LAMB3: variants seen among roughly 807,000 people sequenced by gnomAD.
The protein encoded by LAMB3 is laminin subunit beta 3.
A neutral mutation model predicts 140.3 loss-of-function variants in LAMB3; 104 were observed. That is an observed-to-expected ratio of 0.74 (90% CI 0.63 to 0.87). The LOEUF (loss-of-function observed/expected upper bound fraction) is 0.87, where lower values mean the gene tolerates loss of function less well. LAMB3 is among the 40% of genes least tolerant of loss of function. The pLI is 0.00. For synonymous variants in LAMB3, 592 were observed against 602.9 expected (o/e 0.98, Z 0.26); for missense variants, 1,531 against 1,575.2 (o/e 0.97, Z 0.47).
At position 209,623,487 on chromosome 1, in the gene LAMB3, C is replaced by T; in HGVS notation, c.2358+18G>A. 1.2e-6 allele frequency: 2 copies of T among 1,611,296 alleles called. No individual in the cohort carries two copies. Among genetic ancestry groups the T allele is most frequent in the Admixed American group, 1.7e-5 (1 of 60,026 alleles). On this transcript the variant is annotated intron_variant, in intron 16 of 22. Transcript: ENST00000356082. The surrounding 1 kb of genome is among the most constrained non-coding windows in gnomAD (Gnocchi z 4.2). ...GGGGTGTGGGCTCCAGGAAGTGGGACTCCATGCCCCAAGTCACCTTGTTGA... is the reference window on the plus strand; with the variant it reads ...GGGGTGTGGGCTCCAGGAAGTGGGATTCCATGCCCCAAGTCACCTTGTTGA...
At chr1:209,638,054 T>A (rs908326406) in intron 4 of LAMB3, 73 bp from the exon 5 acceptor site, 2 of 1,252,988 alleles carry the variant, frequency 1.6e-6, no homozygotes, top group African/African-American at 1.5e-5. Flanking sequence ...AGCCCTGGAT[T>A]AGACTAGCTC....
At chr1:209,627,657 G>A in intron 11 of LAMB3, 78 bp from the exon 12 acceptor site, 1 of 1,353,036 alleles carries the variant, frequency 7.4e-7, no homozygotes, top group South Asian at 1.2e-5. Flanking sequence ...TCCAGGGAGG[G>A]GCGCTGCCTG....
At chr1:209,651,311 G>T in intron 1 of LAMB3, 1 of 319,990 alleles carries the variant, frequency 3.1e-6, no homozygotes, top group Non-Finnish European at 6.1e-6. Context: ...GCAGGAAAAG[G>T]CTGGACCCTT....
At chr1:209,637,862 G>A in intron 5 of LAMB3, 46 bp downstream of exon 5, 5 of 1,494,906 alleles carry the variant, frequency 3.3e-6, no homozygotes, top group Non-Finnish European at 4.6e-6. Context: ...CGCCCACATG[G>A]CCCAGGAGCC....
intron 1 of LAMB3, 86 bp from the exon 2 acceptor site, chr1:209,651,067 G>A: frequency 1.1e-6 from 1 of 902,584 alleles, no homozygotes. Flanking sequence ...CTAGACTCAA[G>A]TATTTTTCAG....
At chr1:209,638,083 C>T in intron 4 of LAMB3, 102 bp from the exon 5 acceptor site, 1 of 961,074 alleles carries the variant, frequency 1.0e-6, no homozygotes, top group Non-Finnish European at 1.6e-6. Context: ...CAGAAACTCT[C>T]TAACCTTGAT....
At chr1:209,644,120 C>T (rs954072600) in intron 3 of LAMB3, among the ~76,000 whole-genome samples, 8 of 152,188 alleles carry the variant, frequency 5.3e-5, no homozygotes, top group Admixed American at 3.3e-4. Flanking sequence ...TAGAACCCAC[C>T]GCAGTTCAAA....
chr1:209,617,716 C>T (rs192791112), intron 20 of LAMB3, 130 bp from the exon 21 acceptor site: 329 of 1,246,464 alleles, frequency 2.6e-4, no homozygotes, highest in Admixed American at 1.1e-3. Flanking sequence ...TTGCCCACCT[C>T]TCACCCCTCC....
In LAMB3 at chr1:209,625,855, G is replaced by T; in HGVS notation, c.1769C>A (p.Ala590Glu). The T allele has an allele frequency of 6.2e-7, 1 of 1,614,042 alleles. No individual in the cohort carries two copies. The highest frequency in any genetic ancestry group is 8.5e-7 in the Non-Finnish European group (1 of 1,179,968). The change falls in exon 14 of 23, where the codon GCG becomes GAG. Residue 590 changes from alanine (A) to glutamate (E), a missense_variant. Physicochemically the swap from Ala to Glu is moderately radical, Grantham distance 107. Transcript: ENST00000356082. ...GCGCAGGGCCTGCTCCCGGAGGTCCGCATCATAGGTCTGGAAGCAAGGGTG... is the reference window on the plus strand; with the variant it reads ...GCGCAGGGCCTGCTCCCGGAGGTCCTCATCATAGGTCTGGAAGCAAGGGTG... ...ACHPCFQTYD[A>E]DLREQALRFG... is the part of the protein sequence containing the mutation.
At chr1:209,618,828 G>A (rs914476445) in intron 18 of LAMB3, 169 bp from the exon 19 acceptor site, 9 of 674,670 alleles carry the variant, frequency 1.3e-5, no homozygotes, top group Non-Finnish European at 2.4e-5. Flanking sequence ...CTGTTCTCCA[G>A]GGATTTCTGG....
chr1:209,640,196 A>C (rs1031237245), intron 3 of LAMB3, among the ~76,000 whole-genome samples: 1 of 152,170 alleles, frequency 6.6e-6, no homozygotes, highest in African/African-American at 2.4e-5. Context: ...GCTTTATTAA[A>C]CATTCATTCT....
rs564975687 is a variant in LAMB3, at chr1:209,630,175, T to C, written c.944-250A>G. Among the ~76,000 whole-genome samples, 7 of 152,306 alleles carry C rather than the reference T, an allele frequency of 4.6e-5. 1 individual carries two copies. Among genetic ancestry groups the C allele is most frequent in the African/African-American group, 1.7e-4 (7 of 41,564 alleles). On this transcript the variant is annotated intron_variant, in intron 9 of 22. Transcript: ENST00000356082. Reference sequence around the variant, plus strand: ...GGAATAAACCCAAGAACAGTGGCCATGTTGGGCCAAAGAAAGAGCCCTTTG... The same window carrying C: ...GGAATAAACCCAAGAACAGTGGCCACGTTGGGCCAAAGAAAGAGCCCTTTG...
Position 209,617,935 on chromosome 1 carries a change from AG to A in LAMB3, c.3022del (p.Leu1008PhefsTer22), listed in dbSNP as rs748776162. On this transcript the variant is annotated frameshift_variant, in exon 20 of 23. Coordinates refer to ENST00000356082, the MANE Select transcript of LAMB3 (RefSeq NM_000228.3). LOFTEE classifies it high-confidence loss of function. Reference protein sequence around the residue: ...QDTMQGTSRSLRLIQDRVAEV... With the variant: ...QDTMQGTSRSXRLIQDRVAEV... Reference sequence around the variant, plus strand: ...AGCAACCCTGTCCTGGATAAGCCGAAGGGAGCGGCTGGTGCCTTGCATGGTG... The same window carrying A: ...AGCAACCCTGTCCTGGATAAGCCGAAGGAGCGGCTGGTGCCTTGCATGGTG... 1.2e-6 allele frequency: 2 copies of A among 1,614,228 alleles called. No individual in the cohort carries two copies. Among genetic ancestry groups the A allele is most frequent in the Admixed American group, 3.3e-5 (2 of 60,036 alleles).
chr1:209,641,955 G>A (rs1039131507), intron 3 of LAMB3, among the ~76,000 whole-genome samples: 3 of 152,064 alleles, frequency 2.0e-5, no homozygotes, highest in African/African-American at 7.2e-5. Flanking sequence ...GCTGCCTTCC[G>A]GCCGCCTGTC....
At chr1:209,618,109 T>C (rs747418564) in intron 19 of LAMB3, 61 bp from the exon 20 acceptor site, 57 of 1,601,904 alleles carry the variant, frequency 3.6e-5, no homozygotes, top group Non-Finnish European at 4.4e-5. Flanking sequence ...AATCAATGTG[T>C]GGTTCGACTC....
intron 3 of LAMB3, among the ~76,000 whole-genome samples, chr1:209,647,535 A>G (rs1325929587): frequency 6.6e-6 from 1 of 152,178 alleles, no homozygotes; most frequent in Admixed American, 6.5e-5. Flanking sequence ...AGGGCTCGCT[A>G]TGTCATCCCT....
chr1:209,641,101 T>A (rs12750250), intron 3 of LAMB3, among the ~76,000 whole-genome samples: 16,219 of 126,872 alleles, frequency 0.13, 932 homozygotes, highest in African/African-American at 0.17. Context: ...AAAAAAAATT[T>A]AAAAAAAAAA....
intron 5 of LAMB3, among the ~76,000 whole-genome samples, chr1:209,634,917 TTCTCTCTC>T (rs59855467): frequency 0.36 from 49,592 of 136,090 alleles, 9,493 homozygotes; most frequent in Middle Eastern, 0.52. Context: ...CCATTTTTTA[TTCTCTCTC>T]TCTCTCTCTC....
rs189146509 is a variant in LAMB3, at chr1:209,639,019, C to T, written c.184-371G>A. On this transcript the variant is annotated intron_variant, in intron 3 of 22. Coordinates refer to ENST00000356082, the MANE Select transcript of LAMB3 (RefSeq NM_000228.3). ...GGAGAAATTCATATTATTTGAGCAT[C>T]TACGACATACTGGGCACAGGCTGGA... Among the ~76,000 whole-genome samples the T allele has an allele frequency of 5.7e-3, 870 of 151,360 alleles. 46 individuals carry two copies. Among genetic ancestry groups the T allele is most frequent in the Admixed American group, 0.05 (764 of 15,214 alleles).
Sources: allele counts gnomAD v4.1 joint callset (sites outside exome capture counted in the v4.1 genomes callset), GRCh38; gene constraint gnomAD v4.1.1; non-coding constraint Gnocchi (gnomAD v3.1); transcripts MANE v1.5; gene names NCBI Gene and HGNC (gene_info 2026-07-23, HGNC 2026-07-21).